NDFIP2: variants seen among roughly 807,000 people sequenced by gnomAD.
The protein encoded by NDFIP2 is Nedd4 family interacting protein 2.
Under a neutral mutation model 36.0 loss-of-function variants are expected in NDFIP2, and 19 were observed. The ratio of observed to expected loss-of-function variants is 0.53; its 90% CI spans 0.37 to 0.77. The LOEUF is 0.77. NDFIP2 is among the 30% of genes least tolerant of loss of function. The pLI is 0.00. For missense variants in NDFIP2, 446 were observed against 435.8 expected, an observed-to-expected ratio of 1.02 and a Z score of -0.21; for synonymous variants, 181 against 167.7, an observed-to-expected ratio of 1.08 and a Z score of -0.61.
At chr13:79,522,010 A>G (rs1414874829) in intron 2 of NDFIP2, among the ~76,000 whole-genome samples, 4 of 151,804 alleles carry the variant, frequency 2.6e-5, no homozygotes, top group Admixed American at 2.6e-4. Flanking sequence ...TTGTATTCTT[A>G]GTAGAGACAG....
chr13:79,510,878 A>T (rs531377257), intron 1 of NDFIP2, among the ~76,000 whole-genome samples: 1 of 152,038 alleles, frequency 6.6e-6, no homozygotes, highest in Non-Finnish European at 1.5e-5. Context: ...ACACACCTGT[A>T]ATCTCAGCTA....
intron 5 of NDFIP2, among the ~76,000 whole-genome samples, chr13:79,545,044 G>T (rs1294604708): frequency 2.0e-5 from 3 of 151,946 alleles, no homozygotes; most frequent in Non-Finnish European, 2.9e-5. Context: ...CAAAGATAAA[G>T]GCACAGTCCC....
chr13:79,485,016 CAAAA>C (rs969730920), intron 1 of NDFIP2, among the ~76,000 whole-genome samples: 1 of 151,926 alleles, frequency 6.6e-6, no homozygotes, highest in Non-Finnish European at 1.5e-5. Flanking sequence ...CGGTTTCTGG[CAAAA>C]AAGAGGTGAC....
chr13:79,536,482 C>T (rs1246136303), intron 3 of NDFIP2, among the ~76,000 whole-genome samples: 1 of 152,202 alleles, frequency 6.6e-6, no homozygotes, highest in Non-Finnish European at 1.5e-5. Flanking sequence ...TGTTCTGTTA[C>T]AGCTCTCTAT....
At chr13:79,515,256 G>A (rs776952734) in intron 1 of NDFIP2, among the ~76,000 whole-genome samples, 32 of 149,136 alleles carry the variant, frequency 2.1e-4, no homozygotes, top group African/African-American at 5.9e-4. Context: ...GTGTCCCATC[G>A]TTGAACTAAA....
intron 1 of NDFIP2, among the ~76,000 whole-genome samples, chr13:79,485,223 G>A (rs1416476346): frequency 6.6e-6 from 1 of 151,914 alleles, no homozygotes; most frequent in Non-Finnish European, 1.5e-5. Flanking sequence ...TTTTTTTAAA[G>A]CAAGCAGCAA....
At chr13:79,498,133 T>C (rs1342562952) in intron 1 of NDFIP2, among the ~76,000 whole-genome samples, 1 of 151,786 alleles carries the variant, frequency 6.6e-6, no homozygotes, top group Non-Finnish European at 1.5e-5. Flanking sequence ...ACCTGTGAAT[T>C]TTTATTGGAG....
At chr13:79,517,820 T>C (rs1874411317) in intron 1 of NDFIP2, among the ~76,000 whole-genome samples, 1 of 152,234 alleles carries the variant, frequency 6.6e-6, no homozygotes, top group African/African-American at 2.4e-5. Flanking sequence ...AAGTTGGTCA[T>C]TCTGGGGAGC....
At chr13:79,490,560 C>T (rs1235482452) in intron 1 of NDFIP2, among the ~76,000 whole-genome samples, 2 of 152,096 alleles carry the variant, frequency 1.3e-5, no homozygotes, top group Non-Finnish European at 2.9e-5. Context: ...TCAGATCTGC[C>T]ATTGTAGTGC....
At position 79,554,990 on chromosome 13, in the gene NDFIP2, G is replaced by T. The variant is rs1876055576; in HGVS notation, c.*2477G>T. The T allele has an allele frequency of 1.3e-5, 2 of 151,612 alleles. No individual in the cohort carries two copies. Among genetic ancestry groups the T allele is most frequent in the Non-Finnish European group, 3.0e-5 (2 of 67,784 alleles). 9.4% of individuals were successfully genotyped at this position (151,612 alleles called of 1,614,324 possible). ...ATGCAGGACAGATTTTAGAAACTTA[G>T]ATTAAAATACAAATCCCATTACATT... On this transcript the variant is annotated 3_prime_UTR_variant, in exon 8 of 8. Transcript: ENST00000218652.
At chr13:79,496,554 C>T (rs1440735990) in intron 1 of NDFIP2, among the ~76,000 whole-genome samples, 2 of 151,830 alleles carry the variant, frequency 1.3e-5, no homozygotes, top group Non-Finnish European at 2.9e-5. Context: ...TTTGGGCTTA[C>T]TAAAGTTGAA....
chr13:79,494,053 T>G (rs535369504), intron 1 of NDFIP2, among the ~76,000 whole-genome samples: 2 of 152,268 alleles, frequency 1.3e-5, no homozygotes, highest in East Asian at 3.9e-4. Context: ...TATTTTACTG[T>G]GTATTTTTAA....
At chr13:79,486,155 C>CA (rs1281682597) in intron 1 of NDFIP2, among the ~76,000 whole-genome samples, 5 of 151,830 alleles carry the variant, frequency 3.3e-5, no homozygotes, top group African/African-American at 7.2e-5. Flanking sequence ...TTCCAAAATC[C>CA]AAAAAAAATC....
chr13:79,508,520 C>T, intron 1 of NDFIP2, among the ~76,000 whole-genome samples: 1 of 152,208 alleles, frequency 6.6e-6, no homozygotes. Context: ...TTTTAGACCA[C>T]ATAGGGTAAC....
chr13:79,552,970 C>G lies in NDFIP2; in HGVS notation c.*457C>G, dbSNP rs1875962936. On this transcript the variant is annotated 3_prime_UTR_variant, in exon 8 of 8. Transcript: ENST00000218652. ...CTTAGACTCATCTGGCAGTTCTACA[C>G]ATGAAACATCTTTTGTTATATAAGG... The G allele has an allele frequency of 6.6e-6, 1 of 151,832 alleles. No individual in the cohort carries two copies. Among genetic ancestry groups the G allele is most frequent in the South Asian group, 2.1e-4 (1 of 4,818 alleles). The allele number at this position is 151,832 out of a possible 1,614,324, so 9.4% of individuals were successfully genotyped here.
chr13:79,526,967 C>T (rs1225598354), intron 2 of NDFIP2, among the ~76,000 whole-genome samples: 3 of 152,214 alleles, frequency 2.0e-5, no homozygotes, highest in South Asian at 2.1e-4. Context: ...AGACAGAATT[C>T]GAACTCAGAT....
At chr13:79,492,588 T>C (rs145259938) in intron 1 of NDFIP2, among the ~76,000 whole-genome samples, 1 of 152,024 alleles carries the variant, frequency 6.6e-6, no homozygotes, top group Non-Finnish European at 1.5e-5. Flanking sequence ...TTTTTAGAGA[T>C]AGAGTCTTAC....
chr13:79,484,925 A>G (rs1872902898), intron 1 of NDFIP2, among the ~76,000 whole-genome samples: 1 of 152,226 alleles, frequency 6.6e-6, no homozygotes, highest in African/African-American at 2.4e-5. Context: ...AATATAATAC[A>G]TGTGTAAAAC....
intron 5 of NDFIP2, among the ~76,000 whole-genome samples, chr13:79,544,601 CAATT>C (rs1408457383): frequency 6.6e-6 from 1 of 151,530 alleles, no homozygotes; most frequent in Non-Finnish European, 1.5e-5. Context: ...TGCTGTTATA[CAATT>C]AATAAATTAA....
Sources: gnomAD v4.1 joint callset for allele counts (sites outside exome capture counted in the v4.1 genomes callset) on GRCh38, gnomAD v4.1.1 for gene constraint, MANE v1.5 for transcripts, NCBI Gene and HGNC (gene_info 2026-07-23, HGNC 2026-07-21) for gene names.